Variants in GTF2A1L observed in about 807,000 individuals in gnomAD.
GTF2A1L encodes the protein general transcription factor IIA subunit 1 like, also known as TFIIA-alpha and beta-like factor.
GTF2A1L carries 48 observed loss-of-function variants against 49.7 expected under a neutral mutation model. The ratio of observed to expected loss-of-function variants is 0.97; its 90% CI spans 0.77 to 1.23. The LOEUF (loss-of-function observed/expected upper bound fraction) is 1.23, where lower values mean the gene tolerates loss of function less well. Among genes scored for constraint, GTF2A1L ranks in the 50% most tolerant of loss-of-function variants. The pLI, the probability that GTF2A1L is intolerant of heterozygous loss-of-function variation, is 0.00. For missense variants in GTF2A1L, 736 were observed against 564.8 expected (o/e 1.30, Z -3.07); for synonymous variants, 246 against 193.5 (o/e 1.27, Z -2.25).
intron 8 of GTF2A1L, 99 bp from the exon 9 acceptor site, chr2:48,679,236 C>T (rs904893773): frequency 6.8e-6 from 10 of 1,460,128 alleles, no homozygotes; most frequent in Middle Eastern, 5.1e-4. Context: ...AAGGCACTCA[C>T]ATTTCGGGTG....
intron 3 of GTF2A1L, among the ~76,000 whole-genome samples, chr2:48,635,512 T>C (rs971000293): frequency 6.6e-6 from 1 of 152,070 alleles, no homozygotes; most frequent in Non-Finnish European, 1.5e-5. Context: ...TGATGGCACA[T>C]GCAGTTCAGT....
At chr2:48,663,687 C>G (rs994055946) in intron 6 of GTF2A1L, among the ~76,000 whole-genome samples, 6 of 152,042 alleles carry the variant, frequency 3.9e-5, no homozygotes, top group African/African-American at 1.4e-4. Context: ...ATTGCTCAGG[C>G]TGGAGTGCAG....
chr2:48,679,306 A>G lies in GTF2A1L; in HGVS notation c.1330-29A>G, dbSNP rs191546216. 56 of 1,599,146 alleles carry G rather than the reference A, an allele frequency of 3.5e-5. No homozygotes were observed. In the African/African-American group the frequency reaches 6.9e-4, roughly 20 times the overall value. ...GGTGATCCTTTAACTTGTAAAATTA[A>G]TTAATGTAAACTACTTTTCTCCCTC... On this transcript the variant is annotated intron_variant, in intron 8 of 8. Coordinates refer to ENST00000403751, the MANE Select transcript of GTF2A1L (RefSeq NM_006872.5).
chr2:48,653,972 G>C (rs1041531545), intron 6 of GTF2A1L, among the ~76,000 whole-genome samples: 19 of 147,860 alleles, frequency 1.3e-4, no homozygotes, highest in African/African-American at 4.8e-4. Flanking sequence ...TTTATATGTA[G>C]ATTTTATATG....
At chr2:48,671,101 C>T (rs1355633168) in intron 7 of GTF2A1L, among the ~76,000 whole-genome samples, 2 of 151,706 alleles carry the variant, frequency 1.3e-5, no homozygotes, top group South Asian at 4.2e-4. Context: ...GGATTACAAG[C>T]ATGAACCACT....
At chr2:48,671,030 C>G (rs1045981115) in intron 7 of GTF2A1L, among the ~76,000 whole-genome samples, 1 of 152,032 alleles carries the variant, frequency 6.6e-6, no homozygotes, top group East Asian at 1.9e-4. Context: ...CCATGCTGGC[C>G]AAGCTGGTCT....
chr2:48,679,460 C>CATCT lies in GTF2A1L; in HGVS notation c.*21_*24dup. On this transcript the variant is annotated 3_prime_UTR_variant, in exon 9 of 9. Transcript: ENST00000403751. ...AGTGGTAAACCTTGTGAGCTCAGTA[C>CATCT]ATCTATTTTGTGAACATCAGTTGGA... 6.2e-7 allele frequency: 1 copy of CATCT among 1,610,862 alleles called. No individual in the cohort carries two copies. Among genetic ancestry groups the CATCT allele is most frequent in the Non-Finnish European group, 8.5e-7 (1 of 1,178,404 alleles).
intron 6 of GTF2A1L, among the ~76,000 whole-genome samples, chr2:48,657,479 A>G (rs1678247112): frequency 6.6e-6 from 1 of 152,192 alleles, no homozygotes; most frequent in Non-Finnish European, 1.5e-5. Context: ...TATATGTAAC[A>G]CATTTTCTTT....
At chr2:48,672,841 T>C (rs1679246653) in intron 8 of GTF2A1L, among the ~76,000 whole-genome samples, 1 of 152,358 alleles carries the variant, frequency 6.6e-6, no homozygotes, top group African/African-American at 2.4e-5. Context: ...ATTTAGTGTA[T>C]TCATAGATAT....
chr2:48,620,749 C>T (rs1001089201), intron 1 of GTF2A1L, 102 bp from the exon 2 acceptor site: 1 of 728,826 alleles, frequency 1.4e-6, no homozygotes, highest in Non-Finnish European at 1.7e-6. Flanking sequence ...CGCACTCCAG[C>T]CTGGGCAACA....
chr2:48,626,142 G>T (rs908414255), intron 3 of GTF2A1L, among the ~76,000 whole-genome samples: 1 of 143,776 alleles, frequency 7.0e-6, no homozygotes, highest in Admixed American at 7.1e-5. Context: ...TTTCCCCATT[G>T]TGTCCTCTTA....
chr2:48,646,691 C>G lies in GTF2A1L; in HGVS notation c.627C>G (p.His209Gln). 2.5e-6 allele frequency: 4 copies of G among 1,614,146 alleles called. No individual in the cohort carries two copies. The highest frequency in any genetic ancestry group is 8.5e-7 in the Non-Finnish European group (1 of 1,180,012). ...CTTCTGGGCCAGTAGATAGGAAACA[C>G]TTAGAAAATGCCACCAGTGATATAC... Reference protein sequence around the residue: ...ILPSGPVDRKHLENATSDILV... With the variant: ...ILPSGPVDRKQLENATSDILV... The change falls in exon 6 of 9, where the codon CAC (histidine) becomes CAG (glutamine). Residue 209 changes from histidine (H) to glutamine (Q), a missense_variant. Transcript: ENST00000403751.
At chr2:48,656,993 T>A (rs1453974255) in intron 6 of GTF2A1L, among the ~76,000 whole-genome samples, 1 of 152,236 alleles carries the variant, frequency 6.6e-6, no homozygotes, top group Non-Finnish European at 1.5e-5. Context: ...TATGGAAAAT[T>A]GACGTTTTAT....
At chr2:48,646,182 T>C (rs1356802966) in intron 5 of GTF2A1L, among the ~76,000 whole-genome samples, 1 of 152,082 alleles carries the variant, frequency 6.6e-6, no homozygotes, top group African/African-American at 2.4e-5. Flanking sequence ...GTCCTTTATG[T>C]ATCTCAAAGT....
At position 48,646,654 on chromosome 2, in the gene GTF2A1L, C is replaced by T; in HGVS notation, c.590C>T (p.Pro197Leu). The T allele has an allele frequency of 1.2e-6, 2 of 1,614,054 alleles. No homozygotes were observed. Among genetic ancestry groups the T allele is most frequent in the South Asian group, 1.1e-5 (1 of 91,066 alleles). ...AGAATTGAAACCGTGCTACAGCAAC[C>T]CGCAATTCTACCTTCTGGGCCAGTA... ...SQRIETVLQQPAILPSGPVDR... is the reference protein window; with the variant it reads ...SQRIETVLQQLAILPSGPVDR... The change falls in exon 6 of 9, where the codon CCC becomes CTC. Residue 197 changes from proline (P) to leucine (L), a missense_variant. By Grantham distance (98) the Pro-to-Leu change is moderately conservative. Transcript: ENST00000403751.
intron 8 of GTF2A1L, 27 bp downstream of exon 8, chr2:48,671,707 G>T: frequency 1.3e-6 from 2 of 1,591,424 alleles, no homozygotes; most frequent in Non-Finnish European, 8.6e-7. Context: ...TTGGACTTTG[G>T]GTTTATTAAC....
At chr2:48,648,434 T>A (rs2104209997) in intron 6 of GTF2A1L, among the ~76,000 whole-genome samples, 1 of 152,196 alleles carries the variant, frequency 6.6e-6, no homozygotes, top group African/African-American at 2.4e-5. Flanking sequence ...TATTCTACTG[T>A]TATGTATTGT....
At chr2:48,652,393 A>T (rs1394933805) in intron 6 of GTF2A1L, among the ~76,000 whole-genome samples, 1 of 151,982 alleles carries the variant, frequency 6.6e-6, no homozygotes, top group Non-Finnish European at 1.5e-5. Flanking sequence ...AAGCGGATGG[A>T]TCACTTGAGG....
At chr2:48,675,463 G>C (rs1038750534) in intron 8 of GTF2A1L, among the ~76,000 whole-genome samples, 2 of 151,990 alleles carry the variant, frequency 1.3e-5, no homozygotes, top group African/African-American at 2.4e-5. Context: ...GGAAAACTTT[G>C]AAAATATAAA....
Sources: gnomAD v4.1 joint callset for allele counts (sites outside exome capture counted in the v4.1 genomes callset) on GRCh38, gnomAD v4.1.1 for gene constraint, MANE v1.5 for transcripts, NCBI Gene and HGNC (gene_info 2026-07-23, HGNC 2026-07-21) for gene names.